The following TPTE2 variants were observed in gnomAD, a reference collection of about 807,000 sequenced individuals.
TPTE2 encodes the protein phosphatidylinositol 3,4,5-trisphosphate 3-phosphatase TPTE2.
A neutral mutation model predicts 78.6 loss-of-function variants in TPTE2; 53 were observed. That is an observed-to-expected ratio of 0.67 (90% CI 0.54 to 0.85). The LOEUF (loss-of-function observed/expected upper bound fraction) is 0.85, where lower values mean the gene tolerates loss of function less well. Among genes scored for constraint, TPTE2 ranks in the 40% least tolerant of loss-of-function variants. The pLI is 0.00. For synonymous variants in TPTE2, 175 were observed against 206.2 expected (o/e 0.85, Z 1.30); for missense variants, 461 against 623.0 (o/e 0.74, Z 2.77).
intron 1 of TPTE2, among the ~76,000 whole-genome samples, chr13:19,520,295 G>T (rs768598620): frequency 6.6e-6 from 1 of 151,916 alleles, no homozygotes; most frequent in Non-Finnish European, 1.5e-5. Context: ...AGAATCTCCA[G>T]TACAATGTTG....
chr13:19,539,120 C>T (rs1337792449), upstream of TPTE2, among the ~76,000 whole-genome samples: 1 of 152,174 alleles, frequency 6.6e-6, no homozygotes, highest in Non-Finnish European at 1.5e-5. Flanking sequence ...TGGATTAATC[C>T]ATTGAGGGCA....
At chr13:19,493,014 A>G in intron 2 of TPTE2, 111 bp from the exon 6 acceptor site, 2 of 1,454,608 alleles carry the variant, frequency 1.4e-6, no homozygotes, top group South Asian at 2.5e-5. Flanking sequence ...TTCTGTCAGA[A>G]ATCTGAGTCC....
chr13:19,528,256 A>G lies in TPTE2; in HGVS notation c.-44+8340T>C, dbSNP rs1870638305. 3.9e-5 allele frequency among the ~76,000 whole-genome samples: 6 copies of G among 151,940 alleles called. No individual in the cohort carries two copies. The South Asian group carries it at 1.2e-3, about 32-fold the overall frequency. On this transcript the variant is annotated intron_variant, in intron 1 of 17. Coordinates refer to the TPTE2 transcript ENST00000390680. ...TAAAAAATTAGCTGGGCGTGGTGAC[A>G]GACACCTGTAATCCCAGCTACTGAG... is the stretch of plus-strand genomic sequence containing the variant.
intron 1 of TPTE2, among the ~76,000 whole-genome samples, chr13:19,518,149 A>C (rs1198221652): frequency 3.3e-5 from 5 of 152,196 alleles, no homozygotes; most frequent in Non-Finnish European, 5.9e-5. Context: ...CATTGACTCA[A>C]GCTATCATTT....
chr13:19,437,036 G>GACACACAC, intron 14 of TPTE2, among the ~76,000 whole-genome samples: 1 of 15,900 alleles, frequency 6.3e-5, no homozygotes, highest in Non-Finnish European at 3.3e-4. Flanking sequence ...ATAAACCTAG[G>GACACACAC]AGACACACAC....
At chr13:19,432,955 G>C (rs1218609120) in intron 15 of TPTE2, among the ~76,000 whole-genome samples, 7 of 152,158 alleles carry the variant, frequency 4.6e-5, no homozygotes, top group African/African-American at 1.4e-4. Context: ...GCAGCTTCCT[G>C]GACATGAGAG....
In TPTE2 at chr13:19,430,483, T is replaced by C. The variant is rs576667390; in HGVS notation, c.1287A>G (p.Ser429=). Residue 429 remains serine (S), a synonymous_variant, in exon 17 of 20, where the codon TCA becomes TCG. Coordinates refer to ENST00000400230, the Ensembl canonical transcript of TPTE2. Reference sequence around the variant, plus strand: ...TTTCTCTTACCGAACAATTTCCTAATGAAGTACTGGAAAAGACAACCTTTT... The same window carrying C: ...TTTCTCTTACCGAACAATTTCCTAACGAAGTACTGGAAAAGACAACCTTTT... 53 of 1,611,024 alleles carry C rather than the reference T, an allele frequency of 3.3e-5. 2 individuals are homozygous for C. The South Asian group carries it at 5.4e-4, about 16-fold the overall frequency.
exon 12 of TPTE2, chr13:19,450,268 A>G: frequency 2.5e-6 from 4 of 1,611,270 alleles, no homozygotes. Context: ...CTTACTGTAG[A>G]GTGGGGACAT....
chr13:19,429,657 G>A (rs1199391155), intron 17 of TPTE2, among the ~76,000 whole-genome samples: 3 of 152,132 alleles, frequency 2.0e-5, no homozygotes, highest in African/African-American at 7.2e-5. Flanking sequence ...CTGGGTGAAT[G>A]CCCTCAGTTG....
intron 18 of TPTE2, 43 bp downstream of exon 21, chr13:19,426,382 A>G: frequency 2.2e-6 from 3 of 1,341,468 alleles, no homozygotes; most frequent in Non-Finnish European, 2.1e-6. Flanking sequence ...AAATCATTAG[A>G]CCAGACAAGA....
At chr13:19,461,400 A>G (rs944453334) in intron 10 of TPTE2, among the ~76,000 whole-genome samples, 6 of 152,026 alleles carry the variant, frequency 3.9e-5, no homozygotes, top group African/African-American at 1.2e-4. Context: ...CATATCTGTC[A>G]CCTCAAATAT....
the TPTE2 span, among the ~76,000 whole-genome samples, chr13:19,542,819 C>A: frequency 1.3e-5 from 2 of 151,858 alleles, no homozygotes; most frequent in Non-Finnish European, 2.9e-5. Context: ...CACGGTGAGA[C>A]CCTGTCTCTA....
chr13:19,510,979 G>A (rs1869394120), intron 1 of TPTE2, among the ~76,000 whole-genome samples: 1 of 152,224 alleles, frequency 6.6e-6, no homozygotes, highest in African/African-American at 2.4e-5. Flanking sequence ...AAGTGTTGTT[G>A]TGAATGTGTA....
At chr13:19,460,289 T>C (rs1230460772) in intron 10 of TPTE2, among the ~76,000 whole-genome samples, 1 of 152,236 alleles carries the variant, frequency 6.6e-6, no homozygotes, top group Non-Finnish European at 1.5e-5. Flanking sequence ...ACTGCTTCCC[T>C]TGGCTGGGAG....
intron 13 of TPTE2, among the ~76,000 whole-genome samples, chr13:19,439,330 A>G (rs1272547846): frequency 1.3e-5 from 2 of 152,068 alleles, no homozygotes; most frequent in African/African-American, 4.8e-5. Flanking sequence ...CTGCTGGCAG[A>G]AGTGCATAGG....
the TPTE2 span, among the ~76,000 whole-genome samples, chr13:19,545,534 A>T: frequency 2.7e-4 from 41 of 152,256 alleles, no homozygotes; most frequent in African/African-American, 8.9e-4. Flanking sequence ...CTTTTCCCCC[A>T]TCCAGTTCTC....
At chr13:19,455,805 G>C (rs1045374849) in intron 10 of TPTE2, among the ~76,000 whole-genome samples, 1 of 152,110 alleles carries the variant, frequency 6.6e-6, no homozygotes, top group African/African-American at 2.4e-5. Context: ...TTATTATCTT[G>C]ATAGATGCAG....
chr13:19,463,290 T>C (rs147496319), intron 10 of TPTE2, among the ~76,000 whole-genome samples: 1,621 of 152,332 alleles, frequency 0.011, 26 homozygotes, highest in African/African-American at 0.036. Flanking sequence ...CTCTTGATTG[T>C]ATTTTTATTT....
chr13:19,464,410 T>C (rs1022098392), intron 10 of TPTE2, 46 bp downstream of exon 13: 50 of 1,555,224 alleles, frequency 3.2e-5, no homozygotes, highest in African/African-American at 1.1e-4. Flanking sequence ...GACTACACAG[T>C]CTACATTCAC....
Sources: gnomAD v4.1 joint callset for allele counts (sites outside exome capture counted in the v4.1 genomes callset) on GRCh38, gnomAD v4.1.1 for gene constraint, MANE v1.5 for transcripts, NCBI Gene and HGNC (gene_info 2026-07-23, HGNC 2026-07-21) for gene names.